PPP6C: variants seen among roughly 807,000 people sequenced by gnomAD.
PPP6C encodes the protein serine/threonine-protein phosphatase 6 catalytic subunit.
A neutral mutation model predicts 39.8 loss-of-function variants in PPP6C; 11 were observed. The ratio of observed to expected loss-of-function variants is 0.28; its 90% CI spans 0.17 to 0.46. PPP6C has a LOEUF of 0.46. Ranked by LOEUF, PPP6C falls within the 20% of genes least tolerant of loss-of-function variation. PPP6C has a pLI of 1.00. For missense variants in PPP6C, 211 were observed against 373.9 expected (o/e 0.56, Z 3.59); for synonymous variants, 129 against 130.3 (o/e 0.99, Z 0.07).
At chr9:125,173,270 G>T (rs1337803186) in intron 1 of PPP6C, among the ~76,000 whole-genome samples, 1 of 151,940 alleles carries the variant, frequency 6.6e-6, no homozygotes, top group Admixed American at 6.6e-5. Context: ...AATTAGCTGG[G>T]CGTGGTGGCA....
intron 6 of PPP6C, chr9:125,150,927 T>C: frequency 9.4e-7 from 1 of 1,065,128 alleles, no homozygotes; most frequent in Non-Finnish European, 1.5e-6. Flanking sequence ...ATGCTTCCCT[T>C]ATGCCCAGCA....
chr9:125,159,799 G>A lies in PPP6C; in HGVS notation c.237+1042C>T, dbSNP rs560571281. Among the ~76,000 whole-genome samples, 31 of 152,248 alleles carry A rather than the reference G, an allele frequency of 2.0e-4. No individual in the cohort carries two copies. In the South Asian group the frequency reaches 4.8e-3, roughly 23 times the overall value. On this transcript the variant is annotated intron_variant, in intron 3 of 6. Transcript: ENST00000373547. ...GGCCAAGGCAGGGGCCGAGGTGGGC[G>A]GATCACGAGTTCAAGAGATCCAGAC...
At chr9:125,155,310 C>T (rs949559336) in intron 4 of PPP6C, among the ~76,000 whole-genome samples, 1 of 152,020 alleles carries the variant, frequency 6.6e-6, no homozygotes, top group Non-Finnish European at 1.5e-5. Flanking sequence ...TGACATATCA[C>T]TATTGCCTTA....
intron 2 of PPP6C, among the ~76,000 whole-genome samples, chr9:125,163,848 CTTT>C (rs1412720063): frequency 5.9e-5 from 8 of 135,876 alleles, no homozygotes; most frequent in Admixed American, 1.5e-4. Flanking sequence ...TTGGGCAATT[CTTT>C]TTTTTTTTTT....
intron 1 of PPP6C, among the ~76,000 whole-genome samples, chr9:125,189,235 G>A (rs1368297377): frequency 6.6e-6 from 1 of 152,208 alleles, no homozygotes. Context: ...TCAGACGCCG[G>A]CCACTCCGCG....
intron 4 of PPP6C, among the ~76,000 whole-genome samples, chr9:125,156,308 C>T (rs561713858): frequency 3.3e-5 from 5 of 152,348 alleles, no homozygotes; most frequent in African/African-American, 1.2e-4. Context: ...GACAGCCTCA[C>T]TGTCATCCAG....
Position 125,148,615 on chromosome 9 carries a change from C to G in PPP6C, c.*1058G>C, listed in dbSNP as rs891958348. ...GTTGCAGTTTAAAAATGAACACTTT[C>G]TAAAAGTTAAGGTCAAGTGTTACAG... On this transcript the variant is annotated 3_prime_UTR_variant, in exon 7 of 7. Coordinates refer to ENST00000373547, the MANE Select transcript of PPP6C (RefSeq NM_002721.5). The G allele has an allele frequency of 6.6e-6, 1 of 152,146 alleles. No individual in the cohort carries two copies. Among genetic ancestry groups the G allele is most frequent in the Non-Finnish European group, 1.5e-5 (1 of 68,008 alleles). 9.4% of individuals were successfully genotyped at this position (152,146 alleles called of 1,614,324 possible).
intron 2 of PPP6C, among the ~76,000 whole-genome samples, chr9:125,170,805 C>G (rs899067210): frequency 6.6e-6 from 1 of 152,176 alleles, no homozygotes; most frequent in African/African-American, 2.4e-5. Context: ...TACTTTATAT[C>G]TTCTACCTAC....
At chr9:125,165,556 T>C (rs1191861961) in intron 2 of PPP6C, among the ~76,000 whole-genome samples, 1 of 90,236 alleles carries the variant, frequency 1.1e-5, no homozygotes, top group South Asian at 3.5e-4. Flanking sequence ...AAATAGAACA[T>C]GGCTAGTCTT....
At chr9:125,166,985 A>C (rs979438185) in intron 2 of PPP6C, among the ~76,000 whole-genome samples, 1 of 152,088 alleles carries the variant, frequency 6.6e-6, no homozygotes, top group African/African-American at 2.4e-5. Flanking sequence ...CTATAGCCTC[A>C]AACTCCTGGG....
chr9:125,158,221 A>G lies in PPP6C; in HGVS notation c.379+20T>C. On this transcript the variant is annotated intron_variant, in intron 4 of 6. Transcript: ENST00000373547. ...GGAAAGTAAAATAATATTCAGAATCAGAGAAATAGGAATTCTTACCATAAA... is the reference window on the plus strand; with the variant it reads ...GGAAAGTAAAATAATATTCAGAATCGGAGAAATAGGAATTCTTACCATAAA... 6.3e-7 allele frequency: 1 copy of G among 1,580,398 alleles called. No individual in the cohort carries two copies.
chr9:125,148,825 T>C lies in PPP6C; in HGVS notation c.*848A>G, dbSNP rs1835867757. ...AACCAAAACATTAATATGGCAGTTA[T>C]GTTCTTTAGGCACAGTTTAGTGATT... On this transcript the variant is annotated 3_prime_UTR_variant, in exon 7 of 7. Coordinates refer to ENST00000373547, the MANE Select transcript of PPP6C (RefSeq NM_002721.5). 6.6e-6 allele frequency: 1 copy of C among 152,230 alleles called. No homozygotes were observed. The highest frequency in any genetic ancestry group is 2.1e-4 in the South Asian group (1 of 4,830). The allele number at this position is 152,230 out of a possible 1,614,324, so 9.4% of individuals were successfully genotyped here. A position where few individuals can be genotyped will look rare whatever the true frequency, so the allele number is the denominator to read the frequency against.
intron 1 of PPP6C, among the ~76,000 whole-genome samples, chr9:125,177,910 C>A (rs1370917312): frequency 6.6e-6 from 1 of 152,154 alleles, no homozygotes; most frequent in Non-Finnish European, 1.5e-5. Context: ...TATATGTAGC[C>A]TTTTCAGGTT....
chr9:125,160,305 C>G (rs894205717), intron 3 of PPP6C, among the ~76,000 whole-genome samples: 1 of 152,188 alleles, frequency 6.6e-6, no homozygotes, highest in Non-Finnish European at 1.5e-5. Context: ...CCAACCCTAT[C>G]TACAGTGGCT....
At chr9:125,165,451 A>C (rs1306581059) in intron 2 of PPP6C, among the ~76,000 whole-genome samples, 2 of 152,182 alleles carry the variant, frequency 1.3e-5, no homozygotes, top group African/African-American at 4.8e-5. Context: ...AACACATTTT[A>C]ATGAAAAATT....
intron 1 of PPP6C, among the ~76,000 whole-genome samples, chr9:125,187,926 C>T (rs998698645): frequency 1.1e-4 from 16 of 152,010 alleles, no homozygotes; most frequent in Non-Finnish European, 2.2e-4. Flanking sequence ...AATGACTCCC[C>T]TATCATATGC....
chr9:125,153,040 A>AGG (rs1233066470), intron 6 of PPP6C, among the ~76,000 whole-genome samples: 2 of 152,180 alleles, frequency 1.3e-5, no homozygotes, highest in East Asian at 3.9e-4. Context: ...TGGGAGGCTG[A>AGG]GGCGGGTGGA....
chr9:125,157,648 T>C (rs1279924345), intron 4 of PPP6C, among the ~76,000 whole-genome samples: 1 of 151,932 alleles, frequency 6.6e-6, no homozygotes, highest in Non-Finnish European at 1.5e-5. Context: ...CCAAAATATT[T>C]TGATTAATAA....
intron 1 of PPP6C, among the ~76,000 whole-genome samples, chr9:125,187,960 C>A (rs1329795463): frequency 6.6e-6 from 1 of 152,014 alleles, no homozygotes; most frequent in African/African-American, 2.4e-5. Context: ...CAGGTAAGTA[C>A]AATTCAGTCA....
Sources: allele counts gnomAD v4.1 joint callset (sites outside exome capture counted in the v4.1 genomes callset), GRCh38; gene constraint gnomAD v4.1.1; transcripts MANE v1.5; gene names NCBI Gene and HGNC (gene_info 2026-07-23, HGNC 2026-07-21).